Variants in MUL1 observed in about 807,000 individuals in gnomAD.
The protein encoded by MUL1 is mitochondrial ubiquitin ligase activator of NFKB 1.
Under a neutral mutation model 34.1 loss-of-function variants are expected in MUL1, and 30 were observed. The observed-to-expected ratio is 0.88, with a 90% confidence interval of 0.66 to 1.19. The LOEUF is 1.19. Among genes scored for constraint, MUL1 ranks in the 50% most tolerant of loss-of-function variants. The pLI is 0.00. For missense variants in MUL1, 419 were observed against 450.5 expected, an observed-to-expected ratio of 0.93 and a Z score of 0.63; for synonymous variants, 191 against 187.8, an observed-to-expected ratio of 1.02 and a Z score of -0.14.
Position 20,501,082 on chromosome 1 carries a change from T to G in MUL1, c.667A>C (p.Ser223Arg). ...TGCAGCAGGCTGTCGAAGTCCTGGCTGCTTAGATAGTACTGCATGCCTTGT... is the reference window on the plus strand; with the variant it reads ...TGCAGCAGGCTGTCGAAGTCCTGGCGGCTTAGATAGTACTGCATGCCTTGT... ...PKQGMQYYLS[S>R]QDFDSLLQRQ... Residue 223 changes from serine (S) to arginine (R), a missense_variant, in exon 4 of 4, where the codon AGC becomes CGC. Physicochemically the swap from Ser to Arg is moderately radical, Grantham distance 110. Transcript: ENST00000264198. This position sits in a 1 kb window ranked among gnomAD's most constrained non-coding sequence, Gnocchi z 4.2. 6.2e-7 allele frequency: 1 copy of G among 1,614,156 alleles called. No homozygotes were observed. The highest frequency in any genetic ancestry group is 1.1e-5 in the South Asian group (1 of 91,086).
rs1416457479 is a variant in MUL1 at position 20,500,717 on chromosome 1, G to A, written c.1032C>T (p.Thr344=). The A allele has an allele frequency of 1.9e-6, 3 of 1,595,994 alleles. No individual in the cohort carries two copies. The highest frequency in any genetic ancestry group is 1.1e-5 in the South Asian group (1 of 87,752). ...AGCTGTTGTACAGGGGTATCACCCG[G>A]GTGATCGCCTGTCTGCAGATAGGGC... ...KKCPICRQAI[T]RVIPLYNS Residue 344 remains threonine (T), a synonymous_variant, in exon 4 of 4, where the codon ACC becomes ACT. Coordinates refer to ENST00000264198, the MANE Select transcript of MUL1 (RefSeq NM_024544.3).
At position 20,501,968 on chromosome 1, in the gene MUL1, C is replaced by A; in HGVS notation, c.329+101G>T. Reference sequence around the variant, plus strand: ...CTGCATTAAGAGACTGGGCTTCAACCTGTCTCAGGAGAAGCTGAAGTCACG... The same window carrying A: ...CTGCATTAAGAGACTGGGCTTCAACATGTCTCAGGAGAAGCTGAAGTCACG... On this transcript the variant is annotated intron_variant, in intron 3 of 3. Transcript: ENST00000264198. This position sits in a 1 kb window ranked among gnomAD's most constrained non-coding sequence, Gnocchi z 4.2. 1 of 1,472,402 alleles carries A rather than the reference C, an allele frequency of 6.8e-7. No individual in the cohort carries two copies. Among genetic ancestry groups the A allele is most frequent in the Non-Finnish European group, 9.4e-7 (1 of 1,064,266 alleles). The allele number at this position is 1,472,402 out of a possible 1,614,324, so 91.2% of individuals were successfully genotyped here. A position where few individuals can be genotyped will look rare whatever the true frequency, so the allele number is the denominator to read the frequency against.
Position 20,501,495 on chromosome 1 carries a change from G to T in MUL1, c.330-76C>A. The T allele has an allele frequency of 6.7e-7, 1 of 1,485,124 alleles. No homozygotes were observed. Among genetic ancestry groups the T allele is most frequent in the East Asian group, 2.3e-5 (1 of 44,056 alleles). 92.0% of individuals were successfully genotyped at this position (1,485,124 alleles called of 1,614,324 possible). A position where few individuals can be genotyped will look rare whatever the true frequency, so the allele number is the denominator to read the frequency against. Reference sequence around the variant, plus strand: ...AGGCAGAACTGGAGATCAACTAAATGTGGAGGACAGCATATGGTCTGAAGT... The same window carrying T: ...AGGCAGAACTGGAGATCAACTAAATTTGGAGGACAGCATATGGTCTGAAGT... On this transcript the variant is annotated intron_variant, in intron 3 of 3. Coordinates refer to ENST00000264198, the MANE Select transcript of MUL1 (RefSeq NM_024544.3). The surrounding 1 kb of genome is among the most constrained non-coding windows in gnomAD (Gnocchi z 4.2).
intron 3 of MUL1, 56 bp downstream of exon 3, chr1:20,502,013 C>A: frequency 6.2e-7 from 1 of 1,607,620 alleles, no homozygotes; most frequent in Non-Finnish European, 8.5e-7. Flanking sequence ...CCCAGGACCC[C>A]AGCATTTGAA....
chr1:20,505,181 CG>C (rs1283825204), intron 1 of MUL1, among the ~76,000 whole-genome samples: 1 of 152,094 alleles, frequency 6.6e-6, no homozygotes, highest in African/African-American at 2.4e-5. Context: ...GAATCCAGCC[CG>C]GGGGCTGGCA....
chr1:20,505,041 C>A lies in MUL1; in HGVS notation c.121-1732G>T, dbSNP rs190046453. 2.6e-3 allele frequency among the ~76,000 whole-genome samples: 393 copies of A among 152,264 alleles called. 2 individuals carry two copies. The highest frequency in any genetic ancestry group is 9.2e-3 in the African/African-American group (381 of 41,542). On this transcript the variant is annotated intron_variant, in intron 1 of 3. Coordinates refer to ENST00000264198, the MANE Select transcript of MUL1 (RefSeq NM_024544.3). ...CAGAAAGATCTGGAGTTTAATCTAG[C>A]GCCAATGCATCCACTGTGACTTGGG...
At position 20,508,120 on chromosome 1, in the gene MUL1, G is replaced by T. The variant is rs1374671120; in HGVS notation, c.-96C>A. On this transcript the variant is annotated 5_prime_UTR_variant, in exon 1 of 4. Coordinates refer to ENST00000264198, the MANE Select transcript of MUL1 (RefSeq NM_024544.3). ...CTTCCGACCAGGACCGCACCCCCCC[G>T]GCCTAACCTGACCGGAAACTCGAAA... 6 of 1,456,888 alleles carry T rather than the reference G, an allele frequency of 4.1e-6. No individual in the cohort carries two copies. Among genetic ancestry groups the T allele is most frequent in the African/African-American group, 1.4e-5 (1 of 70,540 alleles). 90.2% of individuals were successfully genotyped at this position (1,456,888 alleles called of 1,614,324 possible). A position where few individuals can be genotyped will look rare whatever the true frequency, so the allele number is the denominator to read the frequency against.
Position 20,508,144 on chromosome 1 carries a change from A to T in MUL1, c.-120T>A. The T allele has an allele frequency of 7.1e-7, 1 of 1,400,852 alleles. No homozygotes were observed. The highest frequency in any genetic ancestry group is 9.5e-7 in the Non-Finnish European group (1 of 1,052,674). The allele number at this position is 1,400,852 out of a possible 1,614,324, so 86.8% of individuals were successfully genotyped here. Reference sequence around the variant, plus strand: ...CGGCCTAACCTGACCGGAAACTCGAAATCAGTCGCCCAGCGATGACGCACG... The same window carrying T: ...CGGCCTAACCTGACCGGAAACTCGATATCAGTCGCCCAGCGATGACGCACG... On this transcript the variant is annotated 5_prime_UTR_variant, in exon 1 of 4. Transcript: ENST00000264198.
At position 20,507,886 on chromosome 1, in the gene MUL1, G is replaced by C; in HGVS notation, c.120+19C>G. On this transcript the variant is annotated intron_variant, in intron 1 of 3. Coordinates refer to ENST00000264198, the MANE Select transcript of MUL1 (RefSeq NM_024544.3). ...GACAGAGATGACCCGGCTGAGGCCAGGCCGGCTCCAGCACTGACCTTGAGC... is the reference window on the plus strand; with the variant it reads ...GACAGAGATGACCCGGCTGAGGCCACGCCGGCTCCAGCACTGACCTTGAGC... The C allele has an allele frequency of 6.3e-7, 1 of 1,595,066 alleles. No homozygotes were observed. The highest frequency in any genetic ancestry group is 8.5e-7 in the Non-Finnish European group (1 of 1,171,472).
intron 1 of MUL1, among the ~76,000 whole-genome samples, chr1:20,503,658 CA>C (rs1209601201): frequency 1.3e-5 from 2 of 152,192 alleles, no homozygotes; most frequent in African/African-American, 2.4e-5. Flanking sequence ...CTCTTCCTGA[CA>C]ACACAGAGCT....
chr1:20,500,960 A>G lies in MUL1; in HGVS notation c.789T>C (p.Tyr263=). Residue 263 remains tyrosine (Y), a synonymous_variant, in exon 4 of 4, where the codon TAT becomes TAC. Transcript: ENST00000264198. ...ATLFFILRKQ[Y]LQRQERLRLK... ...GGCGCAGGCGCTCCTGCCGCTGCAG[A>G]TACTGCTTCCGGAGAATGAAGAAGA... The G allele has an allele frequency of 6.2e-7, 1 of 1,614,096 alleles. No homozygotes were observed. Among genetic ancestry groups the G allele is most frequent in the South Asian group, 1.1e-5 (1 of 91,084 alleles).
chr1:20,507,386 T>C (rs2051726135), intron 1 of MUL1, among the ~76,000 whole-genome samples: 1 of 152,196 alleles, frequency 6.6e-6, no homozygotes, highest in Admixed American at 6.5e-5. Flanking sequence ...TCCTTCCATC[T>C]CCCGCTAGAT....
In MUL1 at chr1:20,508,005, G is replaced by GGCCGCCC; in HGVS notation, c.13_19dup (p.Pro7ArgfsTer39). 1.3e-6 allele frequency: 2 copies of GGCCGCCC among 1,586,388 alleles called. No homozygotes were observed. The highest frequency in any genetic ancestry group is 1.7e-6 in the Non-Finnish European group (2 of 1,167,888). ...CAGGAGGATGAACTGGCACAGCGAG[G>GGCCGCCC]GCCGCCCTCCGCTCTCCATGACGGC... On this transcript the variant is annotated frameshift_variant, in exon 1 of 4. Coordinates refer to ENST00000264198, the MANE Select transcript of MUL1 (RefSeq NM_024544.3). LOFTEE classifies it high-confidence loss of function.
At position 20,500,598 on chromosome 1, in the gene MUL1, C is replaced by T. The variant is rs2051644299; in HGVS notation, c.*92G>A. On this transcript the variant is annotated 3_prime_UTR_variant, in exon 4 of 4. Transcript: ENST00000264198. Reference sequence around the variant, plus strand: ...AATCATACCTGGAGGTGACAGCTACCCCCACCACTGCTCCTCCAAAGGCCT... The same window carrying T: ...AATCATACCTGGAGGTGACAGCTACTCCCACCACTGCTCCTCCAAAGGCCT... 1 of 1,471,684 alleles carries T rather than the reference C, an allele frequency of 6.8e-7. No individual in the cohort carries two copies. The highest frequency in any genetic ancestry group is 2.3e-5 in the Admixed American group (1 of 44,176). The allele number at this position is 1,471,684 out of a possible 1,614,324, so 91.2% of individuals were successfully genotyped here. A position where few individuals can be genotyped will look rare whatever the true frequency, so the allele number is the denominator to read the frequency against.
At chr1:20,506,964 C>A (rs1173299359) in intron 1 of MUL1, among the ~76,000 whole-genome samples, 1 of 152,048 alleles carries the variant, frequency 6.6e-6, no homozygotes, top group African/African-American at 2.4e-5. Flanking sequence ...CAGTGGCTCA[C>A]GCCTTTACAT....
chr1:20,503,737 T>C (rs950526153), intron 1 of MUL1, among the ~76,000 whole-genome samples: 1 of 152,208 alleles, frequency 6.6e-6, no homozygotes, highest in Admixed American at 6.5e-5. Context: ...GTTTGAGAAC[T>C]GGTAGGTGTT....
rs1046299518 is a variant in MUL1, at chr1:20,502,183, A to G, written c.215T>C (p.Val72Ala). The change falls in exon 3 of 4, where the codon GTG (valine) becomes GCG (alanine). Residue 72 changes from valine to alanine, a missense_variant. Transcript: ENST00000264198. ...CVPYAVIEGA[V>A]RSVKETLNSQ... The stretch of plus-strand genomic sequence containing the variant: ...GTTAAGCGTTTCTTTAACAGACCGC[A>G]CAGCTCCTAAGTGGACACAAATTCT... 7 of 1,613,958 alleles carry G rather than the reference A, an allele frequency of 4.3e-6. No individual in the cohort carries two copies. In the African/African-American group the frequency reaches 8.0e-5, roughly 18 times the overall value.
chr1:20,504,675 G>T (rs78958952), intron 1 of MUL1, among the ~76,000 whole-genome samples: 4,990 of 152,286 alleles, frequency 0.033, 169 homozygotes, highest in East Asian at 0.1. Flanking sequence ...TTAAACTCTA[G>T]GAGGGCTTGG....
In MUL1 at chr1:20,500,990, G is replaced by T. The variant is rs200316161; in HGVS notation, c.759C>A (p.Ala253=). The change falls in exon 4 of 4, where the codon GCC becomes GCA. Residue 253 remains alanine, a synonymous_variant. Transcript: ENST00000264198. The part of the protein sequence containing the change: ...LALVFGFATC[A]TLFFILRKQY... ...GCTTCCGGAGAATGAAGAAGAGGGT[G>T]GCACATGTGGCAAAGCCAAAAACCA... is the stretch of plus-strand genomic sequence containing the variant. 6.2e-7 allele frequency: 1 copy of T among 1,613,916 alleles called. No individual in the cohort carries two copies. Among genetic ancestry groups the T allele is most frequent in the Non-Finnish European group, 8.5e-7 (1 of 1,180,048 alleles).
Sources: gnomAD v4.1 joint callset for allele counts (sites outside exome capture counted in the v4.1 genomes callset) on GRCh38, gnomAD v4.1.1 for gene constraint, Gnocchi (gnomAD v3.1) non-coding constraint, MANE v1.5 for transcripts, NCBI Gene and HGNC (gene_info 2026-07-23, HGNC 2026-07-21) for gene names.